ETV5: variants seen among roughly 807,000 people sequenced by gnomAD.
The protein encoded by ETV5 is ETS variant transcription factor 5.
ETV5 carries 10 observed loss-of-function variants against 70.0 expected under a neutral mutation model. The ratio of observed to expected loss-of-function variants is 0.14; its 90% CI spans 0.09 to 0.24. The LOEUF is 0.24. Among genes scored for constraint, ETV5 ranks in the 10% least tolerant of loss-of-function variants. ETV5 has a pLI of 1.00. For synonymous variants in ETV5, 216 were observed against 242.2 expected, an observed-to-expected ratio of 0.89 and a Z score of 1.01; for missense variants, 453 against 651.2, an observed-to-expected ratio of 0.70 and a Z score of 3.31.
chr3:186,065,742 G>C (rs868162906), intron 8 of ETV5, 71 bp downstream of exon 8: 1 of 1,591,452 alleles, frequency 6.3e-7, no homozygotes, highest in African/African-American at 1.3e-5. Flanking sequence ...GGCCCTGCAT[G>C]TATAAGACAC....
chr3:186,095,532 G>A (rs1317428937), intron 5 of ETV5, among the ~76,000 whole-genome samples: 1 of 152,188 alleles, frequency 6.6e-6, no homozygotes, highest in Admixed American at 6.5e-5. Flanking sequence ...CTAGGGAAAT[G>A]AGTTTCTTCC....
intron 12 of ETV5, among the ~76,000 whole-genome samples, chr3:186,049,947 T>G (rs6775911): frequency 0.01 from 1,524 of 152,244 alleles, 28 homozygotes; most frequent in African/African-American, 0.035. Flanking sequence ...TCTGTGAACC[T>G]CAATTTTCCC....
At chr3:186,063,126 C>T (rs1462683080) in intron 9 of ETV5, among the ~76,000 whole-genome samples, 15 of 151,766 alleles carry the variant, frequency 9.9e-5, no homozygotes, top group Admixed American at 8.5e-4. Context: ...AAAAATTAGC[C>T]GGGCGTGGTG....
chr3:186,098,179 G>A (rs1007468661), intron 5 of ETV5, among the ~76,000 whole-genome samples: 3 of 152,224 alleles, frequency 2.0e-5, no homozygotes, highest in African/African-American at 7.2e-5. Context: ...TAGAAGTAAG[G>A]TCAGAAAGTG....
intron 7 of ETV5, among the ~76,000 whole-genome samples, chr3:186,069,520 T>TA (rs142248661): frequency 0.059 from 8,713 of 147,298 alleles, 756 homozygotes; most frequent in East Asian, 0.44. Context: ...TTTTTTTTTT[T>TA]AAAAAAAGTC....
intron 7 of ETV5, chr3:186,079,124 C>T (rs1158545883): frequency 1.9e-6 from 2 of 1,059,724 alleles, no homozygotes; most frequent in Non-Finnish European, 2.3e-6. Context: ...CCCAGCACAT[C>T]TTCTATAAAA....
intron 8 of ETV5, 52 bp from the exon 9 acceptor site, chr3:186,064,528 A>G (rs766017316): frequency 6.4e-7 from 1 of 1,563,566 alleles, no homozygotes; most frequent in Admixed American, 1.7e-5. Flanking sequence ...TCTGCAGCAG[A>G]AACAGCACAT....
Position 186,080,884 on chromosome 3 carries a change from A to C in ETV5, c.362+162T>G. 5.2e-6 allele frequency: 4 copies of C among 763,354 alleles called. No homozygotes were observed. In the South Asian group the frequency reaches 7.8e-5, roughly 15 times the overall value. 47.3% of individuals were successfully genotyped at this position (763,354 alleles called of 1,614,324 possible). A position where few individuals can be genotyped will look rare whatever the true frequency, so the allele number is the denominator to read the frequency against. ...TTTTGTGTGCAGTACAATGATCCCA[A>C]GGGGACTGGACTACACCCGGAGGAT... On this transcript the variant is annotated intron_variant, in intron 6 of 12. Coordinates refer to ENST00000306376, the MANE Select transcript of ETV5 (RefSeq NM_004454.3).
At chr3:186,051,602 C>T (rs1713034068) in intron 12 of ETV5, among the ~76,000 whole-genome samples, 1 of 152,190 alleles carries the variant, frequency 6.6e-6, no homozygotes, top group African/African-American at 2.4e-5. Context: ...TCCTCTAACA[C>T]TTCTGAGCAT....
intron 5 of ETV5, among the ~76,000 whole-genome samples, chr3:186,104,179 G>A (rs1421248535): frequency 6.6e-6 from 1 of 152,118 alleles, no homozygotes; most frequent in Non-Finnish European, 1.5e-5. Context: ...CTGCTCATTC[G>A]CCAGTGACTA....
intron 7 of ETV5, among the ~76,000 whole-genome samples, chr3:186,067,934 A>G (rs1270076941): frequency 1.3e-5 from 2 of 152,354 alleles, no homozygotes; most frequent in Non-Finnish European, 1.5e-5. Context: ...CAAAAGATGA[A>G]TATCTCAAGA....
chr3:186,075,561 C>T (rs1002487334), intron 7 of ETV5, among the ~76,000 whole-genome samples: 8 of 152,144 alleles, frequency 5.3e-5, no homozygotes, highest in African/African-American at 1.9e-4. Flanking sequence ...AAAACTTAGC[C>T]CATCCCTTTA....
chr3:186,047,942 A>AAT lies in ETV5; in HGVS notation c.*695_*696dup, dbSNP rs1712921044. 1.3e-5 allele frequency: 3 copies of AAT among 233,358 alleles called. No individual in the cohort carries two copies. The highest frequency in any genetic ancestry group is 2.2e-5 in the African/African-American group (1 of 45,328). 14.5% of individuals were successfully genotyped at this position (233,358 alleles called of 1,614,324 possible). On this transcript the variant is annotated 3_prime_UTR_variant, in exon 13 of 13. Transcript: ENST00000306376. Reference sequence around the variant, plus strand: ...AAAGTGTTAATCGCCCTTCTCCTAAAATAAAAGTCATCCACACTCAGCCAC... The same window carrying AAT: ...AAAGTGTTAATCGCCCTTCTCCTAAAATATAAAAGTCATCCACACTCAGCCAC...
chr3:186,052,194 A>C lies in ETV5; in HGVS notation c.1210-63T>G, dbSNP rs1713049352. On this transcript the variant is annotated intron_variant, in intron 11 of 12. Transcript: ENST00000306376. The surrounding 1 kb of genome is among the most constrained non-coding windows in gnomAD (Gnocchi z 4.5). ...TTCCCTGGGCCCCATGTTCTCTCCC[A>C]ATCCCAGCAGAGCCAGTTCTGTAAC... 21 of 1,508,782 alleles carry C rather than the reference A, an allele frequency of 1.4e-5. No homozygotes were observed. Among genetic ancestry groups the C allele is most frequent in the Non-Finnish European group, 1.8e-5 (20 of 1,086,616 alleles). The allele number at this position is 1,508,782 out of a possible 1,614,324, so 93.5% of individuals were successfully genotyped here.
chr3:186,108,910 C>T lies in ETV5; in HGVS notation c.-75+30G>A, dbSNP rs188612988. 54 of 167,000 alleles carry T rather than the reference C, an allele frequency of 3.2e-4. No individual in the cohort carries two copies. In the East Asian group the frequency reaches 9.6e-3, roughly 30 times the overall value. 10.3% of individuals were successfully genotyped at this position (167,000 alleles called of 1,614,324 possible). ...CCAGTGGCCGGACGCCCCTTCCGATCTCCCCCCTGCCCCCGCAAAGCCCCC... is the reference window on the plus strand; with the variant it reads ...CCAGTGGCCGGACGCCCCTTCCGATTTCCCCCCTGCCCCCGCAAAGCCCCC... On this transcript the variant is annotated intron_variant, in intron 1 of 12. Transcript: ENST00000306376.
chr3:186,064,694 ACGGG>A, intron 8 of ETV5: 1 of 540,158 alleles, frequency 1.9e-6, no homozygotes, highest in Non-Finnish European at 3.3e-6. Context: ...ATCAAGAGTC[ACGGG>A]AGGAAAAAAA....
intron 8 of ETV5, among the ~76,000 whole-genome samples, chr3:186,064,858 C>A (rs945524914): frequency 1.3e-5 from 2 of 152,232 alleles, no homozygotes; most frequent in Middle Eastern, 3.4e-3. Flanking sequence ...AGGGTGGGAA[C>A]GGGAAGAGGA....
At chr3:186,079,075 AC>A (rs1244177186) in intron 7 of ETV5, 7 of 1,063,514 alleles carry the variant, frequency 6.6e-6, no homozygotes, top group African/African-American at 5.0e-5. Flanking sequence ...GTTGACAACT[AC>A]CCCCCTATCC....
intron 11 of ETV5, among the ~76,000 whole-genome samples, chr3:186,055,977 G>GT (rs1269745861): frequency 1.4e-4 from 22 of 152,222 alleles, no homozygotes; most frequent in African/African-American, 4.3e-4. Context: ...GCGTATGTCA[G>GT]TTTTTTTGGG....
Sources: gnomAD v4.1 joint callset for allele counts (sites outside exome capture counted in the v4.1 genomes callset) on GRCh38, gnomAD v4.1.1 for gene constraint, Gnocchi (gnomAD v3.1) non-coding constraint, MANE v1.5 for transcripts, NCBI Gene and HGNC (gene_info 2026-07-23, HGNC 2026-07-21) for gene names.